The following ETV6 variants were observed in gnomAD, a reference collection of about 807,000 sequenced individuals.
ETV6 encodes the protein ETS variant transcription factor 6.
A neutral mutation model predicts 51.1 loss-of-function variants in ETV6; 16 were observed. That is an observed-to-expected ratio of 0.31 (90% confidence interval 0.21 to 0.48). The LOEUF is 0.48. ETV6 is among the 20% of genes least tolerant of loss of function. The probability of loss-of-function intolerance (pLI) is 0.99; values close to 1 mark genes in which losing one functional copy is unlikely to be tolerated. For synonymous variants in ETV6, 240 were observed against 224.1 expected, an observed-to-expected ratio of 1.07 and a Z score of -0.64; for missense variants, 458 against 594.8, an observed-to-expected ratio of 0.77 and a Z score of 2.39.
At chr12:11,751,846 GA>G (rs770519853) in intron 1 of ETV6, 1 of 509,816 alleles carries the variant, frequency 2.0e-6, no homozygotes, top group Non-Finnish European at 3.9e-6. Flanking sequence ...AGCAATGAAG[GA>G]AAAAATTAGA....
intron 1 of ETV6, among the ~76,000 whole-genome samples, chr12:11,737,421 AT>A (rs1223082716): frequency 6.6e-6 from 1 of 152,158 alleles, no homozygotes. Context: ...AACAAGTGGG[AT>A]TTTTGTTGAG....
intron 4 of ETV6, among the ~76,000 whole-genome samples, chr12:11,858,357 C>G (rs1470267601): frequency 6.6e-6 from 1 of 151,242 alleles, no homozygotes; most frequent in African/African-American, 2.4e-5. Context: ...CTTTTCACAC[C>G]TTAGGTTCTT....
intron 2 of ETV6, among the ~76,000 whole-genome samples, chr12:11,825,011 T>C (rs1946132609): frequency 6.6e-6 from 1 of 152,116 alleles, no homozygotes; most frequent in African/African-American, 2.4e-5. Flanking sequence ...CCACACAAAG[T>C]TTTTATAAGA....
At chr12:11,877,363 C>T (rs1207811269) in intron 5 of ETV6, among the ~76,000 whole-genome samples, 1 of 151,478 alleles carries the variant, frequency 6.6e-6, no homozygotes, top group Non-Finnish European at 1.5e-5. Flanking sequence ...AGCTAAAAGA[C>T]CTCGTAAAAG....
intron 2 of ETV6, among the ~76,000 whole-genome samples, chr12:11,830,234 G>T (rs139962770): frequency 2.0e-5 from 3 of 152,302 alleles, no homozygotes; most frequent in Non-Finnish European, 4.4e-5. Context: ...GACCAGGCCT[G>T]CCATGAGAAG....
At chr12:11,861,279 C>G (rs781361369) in intron 4 of ETV6, among the ~76,000 whole-genome samples, 27 of 152,140 alleles carry the variant, frequency 1.8e-4, no homozygotes, top group Non-Finnish European at 2.6e-4. Context: ...CACTTAACAC[C>G]TTTTTCCCCT....
At chr12:11,761,893 A>G (rs904713064) in intron 2 of ETV6, among the ~76,000 whole-genome samples, 1 of 152,262 alleles carries the variant, frequency 6.6e-6, no homozygotes, top group African/African-American at 2.4e-5. Context: ...GCAGTGGAAC[A>G]TTATCTGTAA....
intron 1 of ETV6, among the ~76,000 whole-genome samples, chr12:11,698,244 C>CT (rs1475516324): frequency 2.0e-4 from 30 of 152,178 alleles, no homozygotes; most frequent in African/African-American, 6.5e-4. Flanking sequence ...GCTTGCATTC[C>CT]TAACATCTGC....
intron 4 of ETV6, among the ~76,000 whole-genome samples, chr12:11,866,554 G>A (rs944724633): frequency 5.3e-5 from 8 of 152,106 alleles, no homozygotes; most frequent in Admixed American, 1.3e-4. Flanking sequence ...ATGGTCTTAC[G>A]TTTCATTAGG....
At chr12:11,888,556 C>T (rs879748355) in intron 7 of ETV6, among the ~76,000 whole-genome samples, 1 of 152,130 alleles carries the variant, frequency 6.6e-6, no homozygotes, top group African/African-American at 2.4e-5. Context: ...GTGCCTGCCA[C>T]CACACCTGAC....
intron 2 of ETV6, among the ~76,000 whole-genome samples, chr12:11,806,746 G>A (rs1945834568): frequency 1.3e-5 from 2 of 152,226 alleles, no homozygotes; most frequent in Admixed American, 1.3e-4. Flanking sequence ...CCAGAGAGTT[G>A]CATGTTCTGT....
intron 4 of ETV6, among the ~76,000 whole-genome samples, chr12:11,854,235 G>A (rs879521222): frequency 6.6e-5 from 10 of 151,890 alleles, no homozygotes; most frequent in South Asian, 2.1e-4. Context: ...ATCTAATGCC[G>A]CTGCTGATCT....
chr12:11,715,523 G>T (rs1158260668), intron 1 of ETV6, among the ~76,000 whole-genome samples: 3 of 152,348 alleles, frequency 2.0e-5, no homozygotes, highest in Middle Eastern at 3.4e-3. Context: ...CTCACCCAAG[G>T]TTTTGCAGCT....
intron 1 of ETV6, among the ~76,000 whole-genome samples, chr12:11,651,404 A>C (rs1276148221): frequency 1.3e-5 from 2 of 152,230 alleles, no homozygotes; most frequent in African/African-American, 2.4e-5. Flanking sequence ...TTTTATAATT[A>C]GAATCACATT....
chr12:11,847,463 G>A (rs1331034649), intron 3 of ETV6, among the ~76,000 whole-genome samples: 1 of 152,204 alleles, frequency 6.6e-6, no homozygotes, highest in African/African-American at 2.4e-5. Context: ...CCAAGAAGAA[G>A]GGCAGGTGAG....
At chr12:11,859,566 GA>G (rs1189352121) in intron 4 of ETV6, among the ~76,000 whole-genome samples, 3 of 152,096 alleles carry the variant, frequency 2.0e-5, no homozygotes, top group African/African-American at 7.2e-5. Context: ...TAAAGAAGGT[GA>G]TATTATTACC....
intron 2 of ETV6, among the ~76,000 whole-genome samples, chr12:11,759,963 T>G (rs1945061148): frequency 6.6e-6 from 1 of 152,224 alleles, no homozygotes. Flanking sequence ...CAGGATGACC[T>G]TGACAACTTC....
intron 7 of ETV6, among the ~76,000 whole-genome samples, chr12:11,887,617 A>G (rs1193281279): frequency 2.6e-5 from 4 of 151,962 alleles, no homozygotes; most frequent in African/African-American, 9.7e-5. Flanking sequence ...GCGTAGTGGC[A>G]TGCACCTGTA....
Position 11,891,130 on chromosome 12 carries a change from G to A in ETV6, c.*84G>A, listed in dbSNP as rs1363645473. ...TTGCTGGAAGTGTGACGGAGCAGGC[G>A]GGCTGAGGAGAGTGGAAAAGGAAGC... On this transcript the variant is annotated 3_prime_UTR_variant, in exon 8 of 8. Coordinates refer to ENST00000396373, the MANE Select transcript of ETV6 (RefSeq NM_001987.5). The A allele has an allele frequency of 1.4e-5, 16 of 1,108,144 alleles. No homozygotes were observed. In the Middle Eastern group the frequency reaches 7.2e-4, roughly 50 times the overall value. 68.6% of individuals were successfully genotyped at this position (1,108,144 alleles called of 1,614,324 possible).
Sources: allele counts gnomAD v4.1 joint callset (sites outside exome capture counted in the v4.1 genomes callset), GRCh38; gene constraint gnomAD v4.1.1; transcripts MANE v1.5; gene names NCBI Gene and HGNC (gene_info 2026-07-23, HGNC 2026-07-21).